The following TMEM80 variants were observed in gnomAD, a reference collection of about 807,000 sequenced individuals.
TMEM80 encodes the protein transmembrane protein 80.
A neutral mutation model predicts 13.6 loss-of-function variants in TMEM80; 16 were observed. The observed-to-expected ratio is 1.17, with a 90% CI of 0.79 to 1.78. TMEM80 has a LOEUF of 1.78. TMEM80 is among the 40% of genes most tolerant of loss of function. The pLI, the probability that TMEM80 is intolerant of heterozygous loss-of-function variation, is 0.00. For missense variants in TMEM80, 167 were observed against 184.6 expected, an observed-to-expected ratio of 0.90 and a Z score of 0.55; for synonymous variants, 92 against 89.5, an observed-to-expected ratio of 1.03 and a Z score of -0.16.
At chr11:699,925 A>AG (rs1361570121) in intron 2 of TMEM80, 14 of 552,112 alleles carry the variant, frequency 2.5e-5, no homozygotes, top group Non-Finnish European at 3.6e-5. Flanking sequence ...TGTGGCATGG[A>AG]GGGGGGTCCC....
At chr11:697,015 TG>T (rs1354368440) in intron 1 of TMEM80, among the ~76,000 whole-genome samples, 5 of 73,136 alleles carry the variant, frequency 6.8e-5, no homozygotes, top group Admixed American at 3.9e-4. Flanking sequence ...GTGGTGGTGG[TG>T]GGGGGGGTGG....
intron 4 of TMEM80, among the ~76,000 whole-genome samples, chr11:702,506 C>A (rs61876703): frequency 8.5e-5 from 13 of 152,172 alleles, no homozygotes; most frequent in African/African-American, 3.1e-4. Context: ...TTGCTAAATA[C>A]GCAGTTTTGT....
chr11:702,015 T>C (rs776351041), intron 4 of TMEM80, among the ~76,000 whole-genome samples: 1 of 152,176 alleles, frequency 6.6e-6, no homozygotes, highest in Non-Finnish European at 1.5e-5. Context: ...GGGAACGCAA[T>C]GGGCACTTCC....
intron 1 of TMEM80, among the ~76,000 whole-genome samples, chr11:696,440 A>T (rs990798941): frequency 3.9e-5 from 6 of 152,218 alleles, no homozygotes; most frequent in Non-Finnish European, 7.3e-5. Flanking sequence ...TAGGCAGGAC[A>T]GCCTCTAGTA....
In TMEM80 at chr11:695,830, GGCGGCC is replaced by G; in HGVS notation, c.4_9del (p.Ala2_Ala3del). ...GACCGGCGGGCGGGGCGGGTAAGAT[GGCGGCC>G]CCGCGGCGAGGTGAGCTCGGGCGGG... is the stretch of plus-strand genomic sequence containing the variant. On this transcript the variant is annotated inframe_deletion, in exon 1 of 5. Transcript: ENST00000397510. 8.1e-7 allele frequency: 1 copy of G among 1,230,750 alleles called. No individual in the cohort carries two copies. The highest frequency in any genetic ancestry group is 1.0e-6 in the Non-Finnish European group (1 of 986,450). 76.2% of individuals were successfully genotyped at this position (1,230,750 alleles called of 1,614,324 possible).
chr11:704,371 G>A, downstream of TMEM80: 1 of 1,092,794 alleles, frequency 9.2e-7, no homozygotes, highest in Non-Finnish European at 1.2e-6. Context: ...TTTCCTGCCT[G>A]TCTTCGTGGA....
intron 4 of TMEM80, 75 bp from the exon 5 acceptor site, chr11:702,870 C>T: frequency 1.4e-6 from 2 of 1,444,288 alleles, no homozygotes; most frequent in Non-Finnish European, 1.9e-6. Flanking sequence ...CCCAGCAGCC[C>T]TCCAGGCACC....
At chr11:700,083 G>A (rs562629066) in intron 2 of TMEM80, 59 bp from the exon 3 acceptor site, 1 of 1,465,900 alleles carries the variant, frequency 6.8e-7, no homozygotes, top group South Asian at 1.2e-5. Context: ...CTCTTGTTCA[G>A]CCACCTGGGA....
Position 703,852 on chromosome 11 carries a change from A to G in TMEM80, c.*702A>G, listed in dbSNP as rs898655088. 7.3e-6 allele frequency: 9 copies of G among 1,235,664 alleles called. No homozygotes were observed. In the African/African-American group the frequency reaches 1.4e-4, roughly 19 times the overall value. The allele number at this position is 1,235,664 out of a possible 1,614,324, so 76.5% of individuals were successfully genotyped here. A position where few individuals can be genotyped will look rare whatever the true frequency, so the allele number is the denominator to read the frequency against. On this transcript the variant is annotated 3_prime_UTR_variant, in exon 5 of 5. Transcript: ENST00000397510. ...GGCCGGGGATGAGACTGCAGGAGAG[A>G]GAGCAGCGGAGGGCCACATTCGGAG...
chr11:696,891 C>G (rs1861204598), intron 1 of TMEM80, among the ~76,000 whole-genome samples: 1 of 152,058 alleles, frequency 6.6e-6, no homozygotes, highest in South Asian at 2.1e-4. Context: ...ACCAGCCTGA[C>G]CAACATGGAG....
Position 703,497 on chromosome 11 carries a change from CAG to C in TMEM80, c.*350_*351del. On this transcript the variant is annotated 3_prime_UTR_variant, in exon 5 of 5. Coordinates refer to ENST00000397510, the MANE Select transcript of TMEM80 (RefSeq NM_001042463.3). ...GGGCCCCCAGGGCCGAGAGGGAGGA[CAG>C]AGCCCTTCAGAACAGAGGCCTCATC... is the stretch of plus-strand genomic sequence containing the variant. 2 of 1,254,368 alleles carry C rather than the reference CAG, an allele frequency of 1.6e-6. No individual in the cohort carries two copies. Among genetic ancestry groups the C allele is most frequent in the South Asian group, 7.0e-5 (2 of 28,770 alleles). The allele number at this position is 1,254,368 out of a possible 1,614,324, so 77.7% of individuals were successfully genotyped here. A position where few individuals can be genotyped will look rare whatever the true frequency, so the allele number is the denominator to read the frequency against.
At chr11:701,653 C>A (rs191783462) in intron 4 of TMEM80, among the ~76,000 whole-genome samples, 1 of 151,946 alleles carries the variant, frequency 6.6e-6, no homozygotes, top group African/African-American at 2.4e-5. Flanking sequence ...TCCTGATCCG[C>A]CCACCTCGGC....
chr11:704,409 G>C (rs746127618), downstream of TMEM80: 11 of 1,270,952 alleles, frequency 8.7e-6, no homozygotes, highest in South Asian at 1.4e-4. Context: ...GTTGTCCTGG[G>C]CCGACTTCCT....
rs777580914 is a variant in TMEM80 at position 698,920 on chromosome 11, C to T, written c.39+32C>T. On this transcript the variant is annotated intron_variant, in intron 2 of 4. Transcript: ENST00000397510. Reference sequence around the variant, plus strand: ...TGCTGCGTGCCCCTCCAGGACAGCACCCAGAGGCCCGAATTGCTGCTGCAC... The same window carrying T: ...TGCTGCGTGCCCCTCCAGGACAGCATCCAGAGGCCCGAATTGCTGCTGCAC... 9 of 1,613,824 alleles carry T rather than the reference C, an allele frequency of 5.6e-6. No homozygotes were observed. In the South Asian group the frequency reaches 7.7e-5, roughly 14 times the overall value.
At position 702,961 on chromosome 11, in the gene TMEM80, G is replaced by T. The variant is rs1222585254; in HGVS notation, c.243G>T (p.Leu81=). ...GTTCTCCAGGCACCAGGGGCAACCTGACAGAGGCTGAGAGGCCGCTGGCCG... is the reference window on the plus strand; with the variant it reads ...GTTCTCCAGGCACCAGGGGCAACCTTACAGAGGCTGAGAGGCCGCTGGCCG... ...VRLYLGTRGN[L]TEAERPLAAS... Residue 81 remains leucine (L), a synonymous_variant, in exon 5 of 5, where the codon CTG becomes CTT. Coordinates refer to ENST00000397510, the MANE Select transcript of TMEM80 (RefSeq NM_001042463.3). The T allele has an allele frequency of 6.2e-7, 1 of 1,609,212 alleles. No individual in the cohort carries two copies. The highest frequency in any genetic ancestry group is 2.2e-5 in the East Asian group (1 of 44,800).
intron 3 of TMEM80, 84 bp from the exon 4 acceptor site, chr11:700,526 CAAAAA>C (rs34654075): frequency 4.4e-6 from 4 of 900,576 alleles, no homozygotes; most frequent in South Asian, 2.8e-5. Context: ...GACCCTGTCT[CAAAAA>C]AAAAAAAAAG....
In TMEM80 at chr11:702,967, G is replaced by A; in HGVS notation, c.249G>A (p.Glu83=). 1.2e-6 allele frequency: 2 copies of A among 1,609,964 alleles called. No homozygotes were observed. The highest frequency in any genetic ancestry group is 1.7e-6 in the Non-Finnish European group (2 of 1,178,942). The part of the protein sequence containing the change: ...LYLGTRGNLT[E]AERPLAASLA... ...CAGGCACCAGGGGCAACCTGACAGA[G>A]GCTGAGAGGCCGCTGGCCGCCAGCC... Residue 83 remains glutamate, a synonymous_variant, in exon 5 of 5, where the codon GAG becomes GAA. Coordinates refer to ENST00000397510, the MANE Select transcript of TMEM80 (RefSeq NM_001042463.3).
At chr11:704,412 G>T (rs891854123), downstream of TMEM80, 1 of 1,276,600 alleles carries the variant, frequency 7.8e-7, no homozygotes, top group Non-Finnish European at 1.0e-6. Context: ...GTCCTGGGCC[G>T]ACTTCCTTTG....
At chr11:704,928 G>T (rs140319145), downstream of TMEM80, 9 of 347,884 alleles carry the variant, frequency 2.6e-5, no homozygotes, top group African/African-American at 1.3e-4. Context: ...GCACCGAGGG[G>T]TTGGCGTGTG....
Sources: gnomAD v4.1 joint callset for allele counts (sites outside exome capture counted in the v4.1 genomes callset) on GRCh38, gnomAD v4.1.1 for gene constraint, MANE v1.5 for transcripts, NCBI Gene and HGNC (gene_info 2026-07-23, HGNC 2026-07-21) for gene names.